Variants in EPB41L2 observed in about 807,000 individuals in gnomAD.
EPB41L2 encodes the protein band 4.1-like protein 2.
A neutral mutation model predicts 113.0 loss-of-function variants in EPB41L2; 43 were observed. That is an observed-to-expected ratio of 0.38 (90% CI 0.30 to 0.49). EPB41L2 has a LOEUF of 0.49. Ranked by LOEUF, EPB41L2 falls within the 20% of genes least tolerant of loss-of-function variation. The pLI is 0.95. For synonymous variants in EPB41L2, 442 were observed against 436.7 expected, an observed-to-expected ratio of 1.01 and a Z score of -0.15; for missense variants, 1,147 against 1,223.4, an observed-to-expected ratio of 0.94 and a Z score of 0.93.
intron 1 of EPB41L2, among the ~76,000 whole-genome samples, chr6:130,966,862 A>G (rs1048211653): frequency 6.6e-6 from 1 of 152,174 alleles, no homozygotes; most frequent in African/African-American, 2.4e-5. Context: ...GCTCAGCAGT[A>G]GCATTAAGAT....
chr6:130,996,940 T>C (rs1194254865), intron 1 of EPB41L2, among the ~76,000 whole-genome samples: 1 of 152,216 alleles, frequency 6.6e-6, no homozygotes, highest in Non-Finnish European at 1.5e-5. Flanking sequence ...TCCCTTTAAC[T>C]CTATACTCCT....
At position 130,908,721 on chromosome 6, in the gene EPB41L2, T is replaced by TA. The variant is rs1798454060; in HGVS notation, c.853+99dup. The TA allele has an allele frequency of 1.4e-5, 13 of 900,478 alleles. No individual in the cohort carries two copies. The South Asian group carries it at 2.6e-4, about 18-fold the overall frequency. The allele number at this position is 900,478 out of a possible 1,614,324, so 55.8% of individuals were successfully genotyped here. On this transcript the variant is annotated intron_variant, in intron 5 of 19. Transcript: ENST00000337057. Reference sequence around the variant, plus strand: ...AGTATTATTAACTTCTAAGATGGCATAAATGCAAAATAGAACTGACCATTC... The same window carrying TA: ...AGTATTATTAACTTCTAAGATGGCATAAAATGCAAAATAGAACTGACCATTC...
At chr6:130,845,898 G>T (rs1776910740) in intron 19 of EPB41L2, among the ~76,000 whole-genome samples, 1 of 152,204 alleles carries the variant, frequency 6.6e-6, no homozygotes, top group Non-Finnish European at 1.5e-5. Flanking sequence ...GCATCTATGG[G>T]AATGTCTGAA....
chr6:130,980,521 C>T (rs995935280), intron 1 of EPB41L2, among the ~76,000 whole-genome samples: 1 of 144,690 alleles, frequency 6.9e-6, no homozygotes, highest in Non-Finnish European at 1.5e-5. Context: ...AAATAGACAT[C>T]GGCTGGGAGA....
chr6:130,948,537 A>G (rs1275296209), intron 3 of EPB41L2, among the ~76,000 whole-genome samples: 1 of 152,222 alleles, frequency 6.6e-6, no homozygotes, highest in Non-Finnish European at 1.5e-5. Flanking sequence ...TAAACGAAGA[A>G]AAATAGACAA....
At chr6:130,961,234 C>T (rs1156736819) in intron 1 of EPB41L2, among the ~76,000 whole-genome samples, 1 of 152,200 alleles carries the variant, frequency 6.6e-6, no homozygotes, top group Non-Finnish European at 1.5e-5. Flanking sequence ...AAGAACACTG[C>T]TGTGAACAGC....
At chr6:131,026,424 T>C (rs999021435) in intron 1 of EPB41L2, among the ~76,000 whole-genome samples, 5 of 152,244 alleles carry the variant, frequency 3.3e-5, no homozygotes, top group South Asian at 4.1e-4. Context: ...AGGCTCATTA[T>C]TTGTTTGTGG....
chr6:130,861,648 G>C (rs1304368401), intron 18 of EPB41L2, among the ~76,000 whole-genome samples: 1 of 151,992 alleles, frequency 6.6e-6, no homozygotes, highest in Non-Finnish European at 1.5e-5. Context: ...GAGGAGTGTG[G>C]ATAACCTGAG....
At chr6:130,860,081 T>C (rs929613793) in intron 18 of EPB41L2, among the ~76,000 whole-genome samples, 1 of 152,182 alleles carries the variant, frequency 6.6e-6, no homozygotes, top group African/African-American at 2.4e-5. Flanking sequence ...CAGTTCTACA[T>C]TGTGTTTGTG....
At chr6:131,048,138 CAAAAAAAA>C (rs200522047) in intron 1 of EPB41L2, among the ~76,000 whole-genome samples, 229 of 53,034 alleles carry the variant, frequency 4.3e-3, no homozygotes, top group Non-Finnish European at 7.6e-3. Context: ...GACTCTGTCT[CAAAAAAAA>C]AAAAAAAAAA....
chr6:131,029,076 A>G (rs1236414166), intron 1 of EPB41L2, among the ~76,000 whole-genome samples: 1 of 152,180 alleles, frequency 6.6e-6, no homozygotes, highest in Non-Finnish European at 1.5e-5. Flanking sequence ...AAACGTTTCA[A>G]CCTTCCCATC....
rs763374055 is a variant in EPB41L2 at position 130,885,145 on chromosome 6, T to G, written c.1784A>C (p.Glu595Ala). The change falls in exon 12 of 20, where the codon GAA becomes GCA. Residue 595 changes from glutamate (E) to alanine (A), a missense_variant. Glu to Ala is a moderately radical substitution (Grantham distance 107). Coordinates refer to ENST00000337057, the MANE Select transcript of EPB41L2 (RefSeq NM_001431.4). Reference protein sequence around the residue: ...AVVQDGDGRREVRSPTKAPHL... With the variant: ...AVVQDGDGRRAVRSPTKAPHL... ...TGGGGCTTTAGTTGGGCTTCTCACT[T>G]CCCTCCTGCCGTCCCCATCTTGTAC... 1.2e-5 allele frequency: 20 copies of G among 1,613,990 alleles called. No individual in the cohort carries two copies. Among genetic ancestry groups the G allele is most frequent in the Non-Finnish European group, 1.7e-5 (20 of 1,180,004 alleles).
intron 1 of EPB41L2, among the ~76,000 whole-genome samples, chr6:130,980,307 G>T (rs377658594): frequency 5.6e-4 from 85 of 152,268 alleles, no homozygotes; most frequent in African/African-American, 1.9e-3. Context: ...GGAGATGTAT[G>T]TTTAGGCTGT....
intron 4 of EPB41L2, among the ~76,000 whole-genome samples, chr6:130,923,683 C>A (rs1803645511): frequency 6.6e-6 from 1 of 152,140 alleles, no homozygotes; most frequent in South Asian, 2.1e-4. Flanking sequence ...TCACTAACTG[C>A]AGAATTAGCT....
In EPB41L2 at chr6:130,956,519, C is replaced by T. The variant is rs56009627; in HGVS notation, c.-14-20G>A. ...CTTATGCTGTAATCAAAACAAAAAT[C>T]ATAAAATGTCATTTTGTAAGTTCTC... On this transcript the variant is annotated intron_variant, in intron 1 of 19. Transcript: ENST00000337057. 9.3e-3 allele frequency: 14,573 copies of T among 1,560,066 alleles called. 524 individuals carry two copies. The African/African-American group carries it at 0.11, about 11-fold the overall frequency.
At chr6:130,960,654 C>A (rs1181951387) in intron 1 of EPB41L2, among the ~76,000 whole-genome samples, 1 of 152,162 alleles carries the variant, frequency 6.6e-6, no homozygotes, top group East Asian at 1.9e-4. Flanking sequence ...GAAACAGTTT[C>A]AAGAGTTCAA....
chr6:130,937,052 T>C (rs533530165), intron 3 of EPB41L2, among the ~76,000 whole-genome samples: 1 of 152,326 alleles, frequency 6.6e-6, no homozygotes, highest in East Asian at 1.9e-4. Flanking sequence ...CTTTCACACA[T>C]GCATAACCTC....
At chr6:130,902,512 A>G (rs988521899) in intron 6 of EPB41L2, among the ~76,000 whole-genome samples, 1 of 152,196 alleles carries the variant, frequency 6.6e-6, no homozygotes, top group African/African-American at 2.4e-5. Flanking sequence ...CAGTATTTTG[A>G]GTATTTTATG....
At chr6:130,992,166 T>G (rs1782030593) in intron 1 of EPB41L2, among the ~76,000 whole-genome samples, 1 of 152,146 alleles carries the variant, frequency 6.6e-6, no homozygotes, top group African/African-American at 2.4e-5. Flanking sequence ...AGAGGGTGAT[T>G]TGCGAAAAGA....
Sources: gnomAD v4.1 joint callset for allele counts (sites outside exome capture counted in the v4.1 genomes callset) on GRCh38, gnomAD v4.1.1 for gene constraint, MANE v1.5 for transcripts, NCBI Gene and HGNC (gene_info 2026-07-23, HGNC 2026-07-21) for gene names.